The following LIPC variants were observed in gnomAD, a reference collection of about 807,000 sequenced individuals.
LIPC encodes the protein hepatic triacylglycerol lipase.
LIPC carries 44 observed loss-of-function variants against 50.7 expected under a neutral mutation model. The ratio of observed to expected loss-of-function variants is 0.87; its 90% CI spans 0.68 to 1.11. LIPC has a LOEUF of 1.11. Among genes scored for constraint, LIPC ranks in the 50% most tolerant of loss-of-function variants. The pLI, the probability that LIPC is intolerant of heterozygous loss-of-function variation, is 0.00. For missense variants in LIPC, 697 were observed against 648.2 expected (o/e 1.08, Z -0.82); for synonymous variants, 271 against 256.4 (o/e 1.06, Z -0.54).
At chr15:58,450,120 C>G (rs1450512085) in intron 1 of LIPC, among the ~76,000 whole-genome samples, 1 of 152,176 alleles carries the variant, frequency 6.6e-6, no homozygotes. Context: ...TCAAGACCCC[C>G]AAGGAGCTTA....
chr15:58,535,601 AC>A, intron 1 of LIPC, among the ~76,000 whole-genome samples: 1 of 152,344 alleles, frequency 6.6e-6, no homozygotes, highest in East Asian at 1.9e-4. Context: ...TCCTATGAGG[AC>A]AACTGGGGTG....
At chr15:58,457,203 G>A (rs574766414) in intron 1 of LIPC, among the ~76,000 whole-genome samples, 8 of 152,274 alleles carry the variant, frequency 5.3e-5, no homozygotes, top group South Asian at 2.1e-4. Flanking sequence ...TCCACCTCCC[G>A]GGTTCAAGCA....
intron 3 of LIPC, 75 bp from the exon 4 acceptor site, chr15:58,542,459 C>T: frequency 1.0e-6 from 1 of 960,946 alleles, no homozygotes; most frequent in Non-Finnish European, 1.7e-6. Flanking sequence ...GGGTGGGCGC[C>T]ACAACACACT....
At chr15:58,447,953 T>C (rs515889) in intron 1 of LIPC, among the ~76,000 whole-genome samples, 18,723 of 152,182 alleles carry the variant, frequency 0.12, 1,272 homozygotes, top group African/African-American at 0.19. Context: ...GGCCTTTGAC[T>C]CAAATCCAAC....
intron 1 of LIPC, among the ~76,000 whole-genome samples, chr15:58,478,180 C>T (rs1168308711): frequency 1.3e-5 from 2 of 152,150 alleles, no homozygotes; most frequent in African/African-American, 4.8e-5. Context: ...ATAATAGTAG[C>T]TCACATTTCT....
intron 1 of LIPC, among the ~76,000 whole-genome samples, chr15:58,439,444 T>C (rs1212107240): frequency 6.6e-6 from 1 of 151,930 alleles, no homozygotes; most frequent in African/African-American, 2.4e-5. Flanking sequence ...CTGCTTTTTT[T>C]GTTTGTTTGT....
At chr15:58,517,524 C>T (rs1218248098) in intron 1 of LIPC, among the ~76,000 whole-genome samples, 1 of 152,188 alleles carries the variant, frequency 6.6e-6, no homozygotes, top group Non-Finnish European at 1.5e-5. Flanking sequence ...ATTTCTAGAC[C>T]ACAAGTTTCA....
chr15:58,535,994 T>C (rs1317185711), intron 1 of LIPC, among the ~76,000 whole-genome samples: 1 of 152,204 alleles, frequency 6.6e-6, no homozygotes, highest in Non-Finnish European at 1.5e-5. Flanking sequence ...CTAACATTTA[T>C]TGAGCACCCA....
chr15:58,567,333 ATATATGTATATG>A (rs775677746), intron 8 of LIPC, among the ~76,000 whole-genome samples: 44,934 of 74,496 alleles, frequency 0.6, 10,173 homozygotes, highest in Non-Finnish European at 0.66. Flanking sequence ...GTATATATAT[ATATATGTATATG>A]TATATATATA....
chr15:58,474,282 C>G (rs1451881232), intron 1 of LIPC, among the ~76,000 whole-genome samples: 1 of 152,066 alleles, frequency 6.6e-6, no homozygotes, highest in Non-Finnish European at 1.5e-5. Flanking sequence ...CTTTGGGGGC[C>G]CAAGCAGGGT....
chr15:58,510,707 G>A (rs1892302265), intron 1 of LIPC, among the ~76,000 whole-genome samples: 1 of 152,188 alleles, frequency 6.6e-6, no homozygotes, highest in South Asian at 2.1e-4. Context: ...AAGACATCAG[G>A]TTTTAACTTG....
At chr15:58,481,252 T>G (rs1188054824) in intron 1 of LIPC, among the ~76,000 whole-genome samples, 1 of 152,036 alleles carries the variant, frequency 6.6e-6, no homozygotes, top group Non-Finnish European at 1.5e-5. Flanking sequence ...GGGGACAGAG[T>G]GACAATGACT....
chr15:58,519,030 C>T (rs1892569869), intron 1 of LIPC, among the ~76,000 whole-genome samples: 1 of 151,952 alleles, frequency 6.6e-6, no homozygotes, highest in African/African-American at 2.4e-5. Flanking sequence ...ACTCTGGTTA[C>T]CTTAGAGCAT....
intron 1 of LIPC, among the ~76,000 whole-genome samples, chr15:58,433,511 C>T (rs1893190892): frequency 6.6e-6 from 1 of 152,194 alleles, no homozygotes; most frequent in Non-Finnish European, 1.5e-5. Context: ...TTGTGAAAGT[C>T]AACCATGCAG....
chr15:58,542,734 A>C (rs1893377242), intron 4 of LIPC, 83 bp downstream of exon 4: 2 of 873,994 alleles, frequency 2.3e-6, no homozygotes, highest in South Asian at 2.6e-5. Context: ...CAGGCTCATC[A>C]TTAAAACACC....
At chr15:58,465,583 C>T (rs571074881) in intron 1 of LIPC, among the ~76,000 whole-genome samples, 2 of 152,058 alleles carry the variant, frequency 1.3e-5, no homozygotes, top group Non-Finnish European at 2.9e-5. Flanking sequence ...GTGTAGATTA[C>T]GGGTCAGAAC....
intron 1 of LIPC, among the ~76,000 whole-genome samples, chr15:58,440,102 T>C (rs1316371287): frequency 6.6e-6 from 1 of 152,242 alleles, no homozygotes; most frequent in Non-Finnish European, 1.5e-5. Context: ...TGTGAAAATG[T>C]ATTTGTCCAA....
chr15:58,551,250 C>T (rs1193510584), intron 6 of LIPC, among the ~76,000 whole-genome samples: 2 of 152,152 alleles, frequency 1.3e-5, no homozygotes, highest in Admixed American at 6.5e-5. Flanking sequence ...TGGAAAGTAA[C>T]GTCTCTGTGG....
At chr15:58,437,995 G>A (rs1434285761) in intron 1 of LIPC, among the ~76,000 whole-genome samples, 1 of 151,998 alleles carries the variant, frequency 6.6e-6, no homozygotes, top group Admixed American at 6.5e-5. Context: ...AGAGACCCAG[G>A]ACTGGAACCC....
Sources: gnomAD v4.1 joint callset for allele counts (sites outside exome capture counted in the v4.1 genomes callset) on GRCh38, gnomAD v4.1.1 for gene constraint, MANE v1.5 for transcripts, NCBI Gene and HGNC (gene_info 2026-07-23, HGNC 2026-07-21) for gene names.